Variants in VTI1A observed in about 807,000 individuals in gnomAD.
VTI1A encodes the protein vesicle transport through interaction with t-SNAREs 1A.
In VTI1A, 22 loss-of-function variants were observed where a neutral mutation model predicts 34.9. The observed-to-expected ratio is 0.63, with a 90% confidence interval of 0.45 to 0.90. The LOEUF (loss-of-function observed/expected upper bound fraction) is 0.90, where lower values mean the gene tolerates loss of function less well. VTI1A is among the 40% of genes least tolerant of loss of function. VTI1A has a pLI of 0.00. For synonymous variants in VTI1A, 87 were observed against 97.3 expected (o/e 0.89, Z 0.62); for missense variants, 268 against 275.6 (o/e 0.97, Z 0.20).
At chr10:112,573,412 A>G (rs956218499) in intron 5 of VTI1A, among the ~76,000 whole-genome samples, 1 of 152,064 alleles carries the variant, frequency 6.6e-6, no homozygotes, top group African/African-American at 2.4e-5. Context: ...TTTATTAGGA[A>G]AAAAAAACCC....
intron 1 of VTI1A, chr10:112,450,038 C>T (rs1847175041): frequency 1.3e-5 from 2 of 152,188 alleles, no homozygotes; most frequent in South Asian, 4.2e-4. Flanking sequence ...GCTGGGACTA[C>T]TCAAGCCACT....
intron 5 of VTI1A, among the ~76,000 whole-genome samples, chr10:112,656,894 T>A (rs1847249241): frequency 6.6e-6 from 1 of 152,142 alleles, no homozygotes; most frequent in Non-Finnish European, 1.5e-5. Context: ...TTCTCATGGT[T>A]TAGTGCCATC....
At chr10:112,461,087 T>C (rs1847711039) in intron 2 of VTI1A, among the ~76,000 whole-genome samples, 1 of 152,232 alleles carries the variant, frequency 6.6e-6, no homozygotes, top group Admixed American at 6.5e-5. Context: ...AAGATTTTTA[T>C]TACCCACAAC....
intron 7 of VTI1A, among the ~76,000 whole-genome samples, chr10:112,673,133 A>G (rs1312636290): frequency 6.6e-6 from 1 of 152,110 alleles, no homozygotes; most frequent in Non-Finnish European, 1.5e-5. Context: ...CCTGGCCAAC[A>G]TGGTGAAACC....
intron 7 of VTI1A, among the ~76,000 whole-genome samples, chr10:112,770,694 C>T (rs1166510495): frequency 2.0e-5 from 3 of 152,040 alleles, no homozygotes; most frequent in Non-Finnish European, 4.4e-5. Context: ...GCTTGAGCCA[C>T]GGCACCTGGC....
At chr10:112,467,378 A>G (rs938095564) in intron 3 of VTI1A, among the ~76,000 whole-genome samples, 3 of 152,166 alleles carry the variant, frequency 2.0e-5, no homozygotes, top group East Asian at 1.9e-4. Flanking sequence ...GGGATGTCCA[A>G]TTTTTTAGCT....
chr10:112,588,725 T>C (rs912453597), intron 5 of VTI1A, among the ~76,000 whole-genome samples: 2 of 152,240 alleles, frequency 1.3e-5, no homozygotes, highest in Non-Finnish European at 2.9e-5. Flanking sequence ...CCCGTATTCC[T>C]CACATAGGCC....
chr10:112,750,183 G>GTTTTGT (rs1851053006), intron 7 of VTI1A, among the ~76,000 whole-genome samples: 2 of 149,838 alleles, frequency 1.3e-5, no homozygotes, highest in African/African-American at 2.5e-5. Context: ...TTTTTTTTTA[G>GTTTTGT]TTTTGTTTTT....
chr10:112,709,596 T>A (rs1849326650), intron 7 of VTI1A, among the ~76,000 whole-genome samples: 1 of 151,878 alleles, frequency 6.6e-6, no homozygotes, highest in African/African-American at 2.4e-5. Flanking sequence ...CTGCCCATCT[T>A]TCAGTTCCCT....
the VTI1A span, among the ~76,000 whole-genome samples, chr10:112,842,241 T>G: frequency 6.6e-6 from 1 of 151,944 alleles, no homozygotes. Context: ...AGGGTTAGGA[T>G]TAGGGAAATG....
At chr10:112,844,878 TTTA>T in the VTI1A span, among the ~76,000 whole-genome samples, 1 of 152,162 alleles carries the variant, frequency 6.6e-6, no homozygotes, top group South Asian at 2.1e-4. Context: ...CTGGACAGTT[TTTA>T]TTATTGTTGG....
intron 5 of VTI1A, among the ~76,000 whole-genome samples, chr10:112,628,033 T>C (rs559030748): frequency 1.3e-5 from 2 of 152,288 alleles, no homozygotes; most frequent in South Asian, 4.1e-4. Flanking sequence ...AGACTACGTA[T>C]GCAAAACCAC....
chr10:112,590,486 A>G (rs1317933548), intron 5 of VTI1A, among the ~76,000 whole-genome samples: 1 of 152,150 alleles, frequency 6.6e-6, no homozygotes, highest in Non-Finnish European at 1.5e-5. Flanking sequence ...TGAGCCCAGG[A>G]GTTCAAGATT....
chr10:112,455,665 CCCTT>C (rs144913637), intron 1 of VTI1A, among the ~76,000 whole-genome samples: 41,540 of 124,628 alleles, frequency 0.33, 7,972 homozygotes, highest in African/African-American at 0.51. Context: ...CTCCCTTCCT[CCCTT>C]CCTTCCTTCC....
chr10:112,631,629 A>C (rs4918761), intron 5 of VTI1A, among the ~76,000 whole-genome samples: 86,988 of 152,034 alleles, frequency 0.57, 26,419 homozygotes, highest in Non-Finnish European at 0.68. Context: ...TATTGATTTT[A>C]AGTTCTAGGC....
chr10:112,707,817 T>A (rs1361284091), intron 7 of VTI1A, among the ~76,000 whole-genome samples: 3 of 152,176 alleles, frequency 2.0e-5, no homozygotes, highest in African/African-American at 7.2e-5. Context: ...ACATAAAGAG[T>A]ATTAGACTCT....
intron 7 of VTI1A, among the ~76,000 whole-genome samples, chr10:112,764,357 A>G (rs1006206657): frequency 6.6e-6 from 1 of 152,226 alleles, no homozygotes; most frequent in Non-Finnish European, 1.5e-5. Flanking sequence ...GGTTAACCCA[A>G]AACAGTGAAT....
chr10:112,447,532 G>GTTCCA, intron 1 of VTI1A, 65 bp downstream of exon 1: 3 of 1,542,484 alleles, frequency 1.9e-6, no homozygotes, highest in African/African-American at 1.4e-5. Flanking sequence ...GCGGTGGAAC[G>GTTCCA]CCGCCCGAGT....
At chr10:112,491,227 T>G (rs1050912444) in intron 3 of VTI1A, among the ~76,000 whole-genome samples, 3 of 152,222 alleles carry the variant, frequency 2.0e-5, no homozygotes, top group Non-Finnish European at 4.4e-5. Flanking sequence ...AAATTAAACA[T>G]TCTATTTTGA....
Sources: gnomAD v4.1 joint callset for allele counts (sites outside exome capture counted in the v4.1 genomes callset) on GRCh38, gnomAD v4.1.1 for gene constraint, MANE v1.5 for transcripts, NCBI Gene and HGNC (gene_info 2026-07-23, HGNC 2026-07-21) for gene names.